Variants in NOL4L observed in about 807,000 individuals in gnomAD.
NOL4L encodes the protein nucleolar protein 4 like, also known as nucleolar protein 4-like.
Under a neutral mutation model 64.5 loss-of-function variants are expected in NOL4L, and 7 were observed. That is an observed-to-expected ratio of 0.11 (90% confidence interval 0.06 to 0.20). NOL4L has a LOEUF of 0.20. NOL4L is among the 10% of genes least tolerant of loss of function. NOL4L has a pLI of 1.00. For synonymous variants in NOL4L, 413 were observed against 401.0 expected (o/e 1.03, Z -0.36); for missense variants, 680 against 967.1 (o/e 0.70, Z 3.94).
At chr20:32,575,619 C>G (rs985994668) in intron 1 of NOL4L, among the ~76,000 whole-genome samples, 11 of 152,160 alleles carry the variant, frequency 7.2e-5, no homozygotes, top group African/African-American at 2.7e-4. Flanking sequence ...CAGTGGGGAG[C>G]CCCTTAAGGG....
intron 1 of NOL4L, chr20:32,572,640 G>A: frequency 6.6e-6 from 1 of 152,380 alleles, no homozygotes; most frequent in Non-Finnish European, 1.5e-5. Flanking sequence ...TGGAGCAGCA[G>A]GACTCCCGGC....
intron 3 of NOL4L, among the ~76,000 whole-genome samples, chr20:32,518,268 C>T (rs988125493): frequency 1.3e-5 from 2 of 152,224 alleles, no homozygotes; most frequent in Non-Finnish European, 2.9e-5. Context: ...CTGAAGAAAG[C>T]CCCAGGAAAG....
Position 32,453,354 on chromosome 20 carries a change from G to C in NOL4L, c.1447C>G (p.Arg483Gly). The C allele has an allele frequency of 6.2e-7, 1 of 1,614,072 alleles. No homozygotes were observed. The highest frequency in any genetic ancestry group is 8.5e-7 in the Non-Finnish European group (1 of 1,180,002). Reference sequence around the variant, plus strand: ...CGACGGCAGGACTTGAGGTACGTGCGGATGCGCTTGCGGGCCCGCTCCTGG... The same window carrying C: ...CGACGGCAGGACTTGAGGTACGTGCCGATGCGCTTGCGGGCCCGCTCCTGG... ...EFQERARKRI[R>G]TYLKSCRRMK... The change falls in exon 8 of 11, where the codon CGC (arginine) becomes GGC (glycine). Residue 483 changes from arginine (R) to glycine (G), a missense_variant. Around this residue, in one of 4 missense-constraint regions of NOL4L, gnomAD observed 70 missense variants for 166.1 expected, o/e 0.42. Transcript: ENST00000621426. This position sits in a 1 kb window ranked among gnomAD's most constrained non-coding sequence, Gnocchi z 5.6.
intron 5 of NOL4L, among the ~76,000 whole-genome samples, chr20:32,461,046 G>A (rs1435090733): frequency 6.6e-6 from 1 of 152,234 alleles, no homozygotes; most frequent in Non-Finnish European, 1.5e-5. Flanking sequence ...CAGGGACGGT[G>A]GGGCGAGGGC....
Position 32,508,183 on chromosome 20 carries a change from T to C in NOL4L, c.699+3164A>G, listed in dbSNP as rs2017212709. ...AAATGAAACCACTCTCAAAGCCTTG[T>C]CTTGGGACATCGGATTTGACAGCAG... On this transcript the variant is annotated intron_variant, in intron 4 of 10. Transcript: ENST00000621426. 2.0e-5 allele frequency among the ~76,000 whole-genome samples: 3 copies of C among 152,356 alleles called. No individual in the cohort carries two copies. In the South Asian group the frequency reaches 6.2e-4, roughly 32 times the overall value.
intron 1 of NOL4L, among the ~76,000 whole-genome samples, chr20:32,531,241 A>C (rs562505847): frequency 6.6e-6 from 1 of 152,302 alleles, no homozygotes; most frequent in South Asian, 2.1e-4. Context: ...AAGGAGATAA[A>C]ATTTTGTGGG....
chr20:32,570,510 T>C (rs1205260159), intron 1 of NOL4L, among the ~76,000 whole-genome samples: 1 of 151,882 alleles, frequency 6.6e-6, no homozygotes, highest in African/African-American at 2.4e-5. Flanking sequence ...ATAGTACCCT[T>C]CCCCCTCCTG....
Position 32,443,412 on chromosome 20 carries a change from C to T in NOL4L, c.*4184G>A, listed in dbSNP as rs2012211037. 1.3e-5 allele frequency: 2 copies of T among 152,188 alleles called. No individual in the cohort carries two copies. The highest frequency in any genetic ancestry group is 2.1e-4 in the South Asian group (1 of 4,836). 9.4% of individuals were successfully genotyped at this position (152,188 alleles called of 1,614,324 possible). Reference sequence around the variant, plus strand: ...AGTCCTCACCTGCTTAGAAGAGCCACGTTAAGTTGCATAGGTGCATATCTG... The same window carrying T: ...AGTCCTCACCTGCTTAGAAGAGCCATGTTAAGTTGCATAGGTGCATATCTG... On this transcript the variant is annotated 3_prime_UTR_variant, in exon 11 of 11. Transcript: ENST00000621426.
At chr20:32,578,482 C>G (rs1980269066) in intron 1 of NOL4L, among the ~76,000 whole-genome samples, 1 of 152,186 alleles carries the variant, frequency 6.6e-6, no homozygotes, top group Non-Finnish European at 1.5e-5. Context: ...AACTCCTGAG[C>G]TGAAGTGATC....
At chr20:32,517,051 G>A (rs1206918187) in intron 3 of NOL4L, among the ~76,000 whole-genome samples, 2 of 152,194 alleles carry the variant, frequency 1.3e-5, no homozygotes, top group Non-Finnish European at 2.9e-5. Flanking sequence ...GTGGAGTCAG[G>A]AGGTCCTGGA....
intron 4 of NOL4L, among the ~76,000 whole-genome samples, chr20:32,488,748 TTC>T (rs1413943541): frequency 0.012 from 405 of 33,548 alleles, 1 homozygote; most frequent in African/African-American, 0.056. Flanking sequence ...TTTCTTTCTT[TTC>T]CTTCCTTCCT....
chr20:32,460,163 GTGTACACTTAAAAA>G lies in NOL4L; in HGVS notation c.842-3782_842-3769del, dbSNP rs2013913141. Reference sequence around the variant, plus strand: ...CTGTGGAAATAACAGTGCTTCTGGAGTGTACACTTAAAAATGGCAAATTTTATGTCACACATTTT... The same window carrying G: ...CTGTGGAAATAACAGTGCTTCTGGAGTGGCAAATTTTATGTCACACATTTT... On this transcript the variant is annotated intron_variant, in intron 5 of 10. Coordinates refer to ENST00000621426, the MANE Select transcript of NOL4L (RefSeq NM_001256798.2). The surrounding 1 kb of genome is among the most constrained non-coding windows in gnomAD (Gnocchi z 5.7). Among the ~76,000 whole-genome samples, 1 of 152,208 alleles carries G rather than the reference GTGTACACTTAAAAA, an allele frequency of 6.6e-6. No individual in the cohort carries two copies. Among genetic ancestry groups the G allele is most frequent in the African/African-American group, 2.4e-5 (1 of 41,456 alleles).
chr20:32,457,838 C>T (rs916924311), intron 5 of NOL4L, among the ~76,000 whole-genome samples: 1 of 152,208 alleles, frequency 6.6e-6, no homozygotes, highest in East Asian at 1.9e-4. Context: ...AGTCCCGGCC[C>T]GCGCTGGCTG....
At position 32,453,678 on chromosome 20, in the gene NOL4L, G is replaced by C; in HGVS notation, c.1203C>G (p.Ala401=). The C allele has an allele frequency of 1.3e-6, 2 of 1,573,148 alleles. No individual in the cohort carries two copies. The highest frequency in any genetic ancestry group is 1.4e-5 in the African/African-American group (1 of 73,960). Residue 401 remains alanine (A), a synonymous_variant, in exon 7 of 11, where the codon GCC becomes GCG. Coordinates refer to ENST00000621426, the MANE Select transcript of NOL4L (RefSeq NM_001256798.2). The surrounding 1 kb of genome is among the most constrained non-coding windows in gnomAD (Gnocchi z 5.6). ...CATCGTCGTCATCATCTGCCGTCGG[G>C]GCCCGGCCCACTGTCAGGTCCTCAG... ...GCPEDLTVGR[A]PTADDDDDDH... is the part of the protein sequence containing the mutation.
intron 4 of NOL4L, among the ~76,000 whole-genome samples, chr20:32,490,512 G>A (rs920449120): frequency 5.3e-5 from 8 of 152,248 alleles, no homozygotes; most frequent in African/African-American, 1.9e-4. Flanking sequence ...CTGACCTGTG[G>A]GCTGGGCCAT....
Position 32,447,506 on chromosome 20 carries a change from A to T in NOL4L, c.*90T>A. The T allele has an allele frequency of 6.7e-7, 1 of 1,500,188 alleles. No individual in the cohort carries two copies. The highest frequency in any genetic ancestry group is 2.3e-5 in the East Asian group (1 of 43,168). The allele number at this position is 1,500,188 out of a possible 1,614,324, so 92.9% of individuals were successfully genotyped here. On this transcript the variant is annotated 3_prime_UTR_variant, in exon 11 of 11. Transcript: ENST00000621426. Reference sequence around the variant, plus strand: ...CTTTTGGATCCCACCTCTTTCAAAAACAAAATGTACCAACTGGTGAGGCAG... The same window carrying T: ...CTTTTGGATCCCACCTCTTTCAAAATCAAAATGTACCAACTGGTGAGGCAG...
chr20:32,562,489 T>C (rs1396073063), intron 1 of NOL4L, among the ~76,000 whole-genome samples: 1 of 152,076 alleles, frequency 6.6e-6, no homozygotes, highest in Non-Finnish European at 1.5e-5. Context: ...GCACAGGCTG[T>C]CTCCTCTACC....
At chr20:32,583,472 C>T (rs554136351) in intron 1 of NOL4L, among the ~76,000 whole-genome samples, 4 of 83,594 alleles carry the variant, frequency 4.8e-5, no homozygotes, top group African/African-American at 1.3e-4. Flanking sequence ...AGCGGGGGAG[C>T]GGGGGAGGGA....
chr20:32,485,115 C>A (rs190960938), intron 4 of NOL4L, among the ~76,000 whole-genome samples: 1 of 109,858 alleles, frequency 9.1e-6, no homozygotes, highest in East Asian at 4.8e-4. Flanking sequence ...TGATAAGGAT[C>A]CCACCTCCTG....
Sources: gnomAD v4.1 joint callset for allele counts (sites outside exome capture counted in the v4.1 genomes callset) on GRCh38, gnomAD v4.1.1 for gene constraint, gnomAD v4.1.1 regional missense constraint, Gnocchi (gnomAD v3.1) non-coding constraint, MANE v1.5 for transcripts, NCBI Gene and HGNC (gene_info 2026-07-23, HGNC 2026-07-21) for gene names.